SPATA9: variants seen among roughly 807,000 people sequenced by gnomAD.
SPATA9 encodes the protein spermatogenesis-associated protein 9.
Under a neutral mutation model 25.5 loss-of-function variants are expected in SPATA9, and 27 were observed. That is an observed-to-expected ratio of 1.06 (90% CI 0.78 to 1.46). The LOEUF (loss-of-function observed/expected upper bound fraction) is 1.46. SPATA9 is among the 40% of genes most tolerant of loss of function. The probability of loss-of-function intolerance (pLI) is 0.00; values close to 1 mark genes in which losing one functional copy is unlikely to be tolerated. For synonymous variants in SPATA9, 102 were observed against 105.7 expected (o/e 0.97, Z 0.21); for missense variants, 282 against 297.5 (o/e 0.95, Z 0.38).
At chr5:95,700,330 C>T (rs1754146036), upstream of SPATA9, among the ~76,000 whole-genome samples, 2 of 151,788 alleles carry the variant, frequency 1.3e-5, no homozygotes, top group South Asian at 4.2e-4. Flanking sequence ...GATGGAGTCT[C>T]ACTCCATCAC....
At chr5:95,712,102 T>TA in the SPATA9 span, among the ~76,000 whole-genome samples, 2 of 152,108 alleles carry the variant, frequency 1.3e-5, no homozygotes, top group Admixed American at 1.3e-4. Flanking sequence ...GTTTTACAGT[T>TA]AAAAAAAAGA....
the SPATA9 span, among the ~76,000 whole-genome samples, chr5:95,717,367 G>GTC: frequency 6.6e-6 from 1 of 152,042 alleles, no homozygotes; most frequent in Middle Eastern, 3.2e-3. Context: ...ATCTCTCTCT[G>GTC]TCTCTCTCTC....
downstream of SPATA9, among the ~76,000 whole-genome samples, chr5:95,653,626 C>T (rs1375732671): frequency 1.3e-5 from 2 of 152,192 alleles, no homozygotes; most frequent in Non-Finnish European, 2.9e-5. Context: ...TGGCCGGGCG[C>T]AGTGGCTCAC....
At chr5:95,704,722 G>C in the SPATA9 span, among the ~76,000 whole-genome samples, 1 of 152,086 alleles carries the variant, frequency 6.6e-6, no homozygotes, top group Non-Finnish European at 1.5e-5. Context: ...ATAAAGAACA[G>C]AAATTTATTT....
chr5:95,716,283 G>A, the SPATA9 span, among the ~76,000 whole-genome samples: 65 of 152,354 alleles, frequency 4.3e-4, no homozygotes, highest in South Asian at 1.0e-3. Flanking sequence ...AGCCAGGAGT[G>A]GGGGTTACAC....
chr5:95,699,306 T>G (rs1022287437), upstream of SPATA9, among the ~76,000 whole-genome samples: 18 of 152,204 alleles, frequency 1.2e-4, no homozygotes, highest in Non-Finnish European at 2.4e-4. Context: ...TCATGCCTAC[T>G]TTACAGGGCT....
upstream of SPATA9, among the ~76,000 whole-genome samples, chr5:95,702,364 CAT>C (rs1754200297): frequency 6.6e-6 from 1 of 152,180 alleles, no homozygotes; most frequent in Non-Finnish European, 1.5e-5. Context: ...ATAGAATTCA[CAT>C]AGAGACCATT....
At chr5:95,714,335 T>C in the SPATA9 span, among the ~76,000 whole-genome samples, 1 of 151,906 alleles carries the variant, frequency 6.6e-6, no homozygotes, top group Non-Finnish European at 1.5e-5. Flanking sequence ...GGAGGAACAA[T>C]GTATAGCAAG....
the SPATA9 span, among the ~76,000 whole-genome samples, chr5:95,709,160 C>T: frequency 6.6e-6 from 1 of 152,120 alleles, no homozygotes; most frequent in East Asian, 1.9e-4. Context: ...GGTCTCCTGG[C>T]TGGAATGAAT....
the SPATA9 span, among the ~76,000 whole-genome samples, chr5:95,704,917 G>A: frequency 6.6e-6 from 1 of 151,652 alleles, no homozygotes; most frequent in Non-Finnish European, 1.5e-5. Flanking sequence ...CCTTTTATAG[G>A]GGTATTAATC....
At chr5:95,732,038 G>T in the SPATA9 span, 1 of 1,614,214 alleles carries the variant, frequency 6.2e-7, no homozygotes, top group Non-Finnish European at 8.5e-7. Context: ...TATCAGGCCA[G>T]TGCGTTTGGG....
the SPATA9 span, chr5:95,731,396 C>T: frequency 8.5e-7 from 1 of 1,176,248 alleles, no homozygotes; most frequent in Non-Finnish European, 1.0e-6. Context: ...CGGTCAGCTG[C>T]GTCCACTTGG....
the SPATA9 span, chr5:95,719,677 T>C: frequency 2.0e-5 from 3 of 152,258 alleles, no homozygotes; most frequent in Non-Finnish European, 2.9e-5. Context: ...CTTTGAACCA[T>C]ATTCAGAGAC....
the SPATA9 span, among the ~76,000 whole-genome samples, chr5:95,730,600 T>C: frequency 2.0e-5 from 3 of 152,088 alleles, no homozygotes; most frequent in African/African-American, 7.2e-5. Context: ...TACAGAAAAA[T>C]CTCCAAGTAA....
the SPATA9 span, among the ~76,000 whole-genome samples, chr5:95,708,292 T>C: frequency 3.5e-4 from 53 of 152,300 alleles, no homozygotes; most frequent in South Asian, 1.5e-3. Context: ...TTGGCTTGCA[T>C]GGGCTCCATG....
intron 3 of SPATA9, among the ~76,000 whole-genome samples, chr5:95,669,694 C>T (rs961300116): frequency 2.6e-5 from 4 of 152,118 alleles, no homozygotes; most frequent in Non-Finnish European, 2.9e-5. Context: ...TGGGAGCTGA[C>T]GTGTCTTGGC....
intron 3 of SPATA9, chr5:95,670,385 G>A (rs1752257711): frequency 6.6e-6 from 1 of 152,158 alleles, no homozygotes. Flanking sequence ...CCATATAATA[G>A]AGAGTTTTGG....
Position 95,675,560 on chromosome 5 carries a change from C to A in SPATA9, c.230G>T (p.Arg77Leu), listed in dbSNP as rs375220643. 6.2e-7 allele frequency: 1 copy of A among 1,613,990 alleles called. No individual in the cohort carries two copies. The highest frequency in any genetic ancestry group is 1.1e-5 in the South Asian group (1 of 91,082). ...GGATCTGGATATGCTGTTTAATCCA[C>A]GAATTAATGTTGCTCGATTAATCTT... ...LAKINRATLI[R>L]GLNSISRSSK... The change falls in exon 3 of 5, where the codon CGT becomes CTT. Residue 77 changes from arginine (R) to leucine (L), a missense_variant. By Grantham distance (102) the Arg-to-Leu change is moderately radical. Coordinates refer to ENST00000274432, the MANE Select transcript of SPATA9 (RefSeq NM_031952.4).
downstream of SPATA9, among the ~76,000 whole-genome samples, chr5:95,654,734 T>C (rs1750624358): frequency 6.6e-6 from 1 of 152,152 alleles, no homozygotes; most frequent in African/African-American, 2.4e-5. Context: ...ATAAGGCAGA[T>C]CTATATGGGT....
Sources: gnomAD v4.1 joint callset for allele counts (sites outside exome capture counted in the v4.1 genomes callset) on GRCh38, gnomAD v4.1.1 for gene constraint, MANE v1.5 for transcripts, NCBI Gene and HGNC (gene_info 2026-07-23, HGNC 2026-07-21) for gene names.